DOCK8: variants seen among roughly 807,000 people sequenced by gnomAD.
DOCK8 encodes dedicator of cytokinesis 8, also known as dedicator of cytokinesis protein 8.
In DOCK8, 141 loss-of-function variants were observed where a neutral mutation model predicts 245.6. The ratio of observed to expected loss-of-function variants is 0.57; its 90% CI spans 0.50 to 0.66. The LOEUF (loss-of-function observed/expected upper bound fraction) is 0.66. Among genes scored for constraint, DOCK8 ranks in the 30% least tolerant of loss-of-function variants. The pLI, the probability that DOCK8 is intolerant of heterozygous loss-of-function variation, is 0.00. For synonymous variants in DOCK8, 1,168 were observed against 970.2 expected, an observed-to-expected ratio of 1.20 and a Z score of -3.79; for missense variants, 2,965 against 2,603.4, an observed-to-expected ratio of 1.14 and a Z score of -3.02.
At chr9:414,638 A>T in intron 28 of DOCK8, 144 bp from the exon 29 acceptor site, 1 of 925,882 alleles carries the variant, frequency 1.1e-6, no homozygotes, top group East Asian at 2.4e-5. Context: ...CTGTTTCTGG[A>T]TTCTATGTAG....
chr9:306,468 C>T (rs574328675), intron 5 of DOCK8, among the ~76,000 whole-genome samples: 116 of 152,222 alleles, frequency 7.6e-4, no homozygotes, highest in Middle Eastern at 3.4e-3. Context: ...ATAGAAGCCA[C>T]GGTAGGTATT....
Position 214,923 on chromosome 9 carries a change from GCC to G in DOCK8, c.-50_-49del, listed in dbSNP as rs770246521. The G allele has an allele frequency of 6.2e-7, 1 of 1,604,150 alleles. No individual in the cohort carries two copies. The highest frequency in any genetic ancestry group is 8.5e-7 in the Non-Finnish European group (1 of 1,177,092). On this transcript the variant is annotated 5_prime_UTR_variant, in exon 1 of 48. It removes the in-frame stop codon of an upstream open reading frame in the 5' UTR. Transcript: ENST00000432829. Reference sequence around the variant, plus strand: ...CCGCGGCTACTCTGCGGCGCGCCAGGCCCCCGCTTTCCGCACCCCGCGACCCT... The same window carrying G: ...CCGCGGCTACTCTGCGGCGCGCCAGGCCCGCTTTCCGCACCCCGCGACCCT...
chr9:449,714 A>G (rs2131865723), intron 44 of DOCK8, 70 bp from the exon 45 acceptor site: 1 of 1,608,438 alleles, frequency 6.2e-7, no homozygotes, highest in Non-Finnish European at 8.5e-7. Flanking sequence ...CCTCTCTGTC[A>G]TAGCTCCAGG....
chr9:391,821 C>CT lies in DOCK8; in HGVS notation c.2970+1278dup, dbSNP rs373810616. On this transcript the variant is annotated intron_variant, in intron 24 of 47. Coordinates refer to ENST00000432829, the MANE Select transcript of DOCK8 (RefSeq NM_203447.4). ...CTTTCCCCTGTCCCATTAAGTGAATCTTTTTTTTTTTTTTTTTTTTTTTAA... is the reference window on the plus strand; with the variant it reads ...CTTTCCCCTGTCCCATTAAGTGAATCTTTTTTTTTTTTTTTTTTTTTTTTAA... Among the ~76,000 whole-genome samples, 483 of 116,232 alleles carry CT rather than the reference C, an allele frequency of 4.2e-3. 2 individuals carry two copies. Among genetic ancestry groups the CT allele is most frequent in the East Asian group, 0.02 (76 of 3,774 alleles). 76.3% of individuals were successfully genotyped at this position (116,232 alleles called of 152,430 possible).
rs75989600 is a variant in DOCK8, at chr9:452,205, C to G, written c.6068+88C>G. On this transcript the variant is annotated intron_variant, in intron 46 of 47. Coordinates refer to ENST00000432829, the MANE Select transcript of DOCK8 (RefSeq NM_203447.4). ...CAGCAGCTTCAGCATCACCTGAGAA[C>G]TTGCTAGAAAGACAAAGTCTCAGGC... 98 of 850,508 alleles carry G rather than the reference C, an allele frequency of 1.2e-4. No individual in the cohort carries two copies. The African/African-American group carries it at 1.5e-3, about 13-fold the overall frequency. 52.7% of individuals were successfully genotyped at this position (850,508 alleles called of 1,614,324 possible).
intron 1 of DOCK8, among the ~76,000 whole-genome samples, chr9:226,199 C>T (rs2479321): frequency 0.46 from 69,844 of 151,958 alleles, 16,331 homozygotes; most frequent in African/African-American, 0.54. Flanking sequence ...ATATCTTAAA[C>T]GGCGGCAGGC....
At chr9:436,848 A>G (rs1005011163) in intron 39 of DOCK8, among the ~76,000 whole-genome samples, 1 of 152,182 alleles carries the variant, frequency 6.6e-6, no homozygotes, top group South Asian at 2.1e-4. Flanking sequence ...AATTATTCCA[A>G]TCTTTGTTCA....
intron 1 of DOCK8, among the ~76,000 whole-genome samples, chr9:233,310 C>T (rs911500581): frequency 1.8e-4 from 28 of 152,232 alleles, no homozygotes; most frequent in African/African-American, 4.3e-4. Flanking sequence ...GAGTGCTTTA[C>T]TGCCAACTAT....
chr9:276,800 C>G (rs1333364693), intron 2 of DOCK8, among the ~76,000 whole-genome samples: 1 of 152,078 alleles, frequency 6.6e-6, no homozygotes, highest in African/African-American at 2.4e-5. Context: ...ATACTATTGT[C>G]TTTTCATTTA....
At chr9:277,654 A>T (rs1044314610) in intron 2 of DOCK8, among the ~76,000 whole-genome samples, 5 of 152,112 alleles carry the variant, frequency 3.3e-5, no homozygotes, top group Admixed American at 2.0e-4. Flanking sequence ...ACCTTAAGCT[A>T]CATATTTTAT....
At chr9:220,553 A>C (rs1391525272) in intron 1 of DOCK8, among the ~76,000 whole-genome samples, 5 of 152,148 alleles carry the variant, frequency 3.3e-5, no homozygotes, top group African/African-American at 1.2e-4. Context: ...GTGAGAAGGT[A>C]GGGATGTTAC....
chr9:433,817 TAACTCTTCACCTGGGACTACA>T (rs754164039), intron 37 of DOCK8, 37 bp from the exon 38 acceptor site: 134 of 1,410,554 alleles, frequency 9.5e-5, no homozygotes, highest in Non-Finnish European at 1.3e-4. Context: ...AATGTAATCC[TAACTCTTCACCTGGGACTACA>T]AAGCTAAGAT....
At chr9:443,845 A>G (rs2057166912) in intron 43 of DOCK8, among the ~76,000 whole-genome samples, 1 of 152,172 alleles carries the variant, frequency 6.6e-6, no homozygotes, top group South Asian at 2.1e-4. Context: ...AAACTGAGAC[A>G]TGGAAGAGTC....
At chr9:435,016 A>C in intron 39 of DOCK8, 41 bp downstream of exon 39, 2 of 1,605,600 alleles carry the variant, frequency 1.2e-6, no homozygotes, top group Non-Finnish European at 1.7e-6. Flanking sequence ...AGTGGTTCTC[A>C]ACTGGGGCGA....
Position 420,515 on chromosome 9 carries a change from C to G in DOCK8, c.3955C>G (p.Leu1319Val). The G allele has an allele frequency of 6.2e-7, 1 of 1,614,154 alleles. No individual in the cohort carries two copies. The change falls in exon 31 of 48, where the codon CTG (leucine) becomes GTG (valine). Residue 1319 changes from leucine to valine, a missense_variant. This residue lies in a region of DOCK8 where 2,825 missense variants were observed against 2,453.5 expected (regional missense o/e 1.15). Transcript: ENST00000432829. The stretch of plus-strand genomic sequence containing the variant: ...CCTCATTAGGAAGTGGATTGCTGAC[C>G]TGCCATCAACGCAGCTCAACAGGAT... ...QSLIRKWIAD[L>V]PSTQLNRILD...
chr9:272,702 AAC>A (rs1464988348), intron 2 of DOCK8, among the ~76,000 whole-genome samples: 2 of 152,174 alleles, frequency 1.3e-5, no homozygotes, highest in Non-Finnish European at 2.9e-5. Context: ...TCATTTTTAA[AAC>A]ACATTTCCTC....
intron 2 of DOCK8, among the ~76,000 whole-genome samples, chr9:274,701 T>A (rs1401813951): frequency 6.6e-6 from 1 of 152,136 alleles, no homozygotes; most frequent in Admixed American, 6.5e-5. Flanking sequence ...TAATGGAACA[T>A]GTCGGTAAGA....
intron 5 of DOCK8, among the ~76,000 whole-genome samples, chr9:305,204 T>C (rs1160750364): frequency 6.6e-6 from 1 of 152,228 alleles, no homozygotes; most frequent in Admixed American, 6.5e-5. Flanking sequence ...TTAATATCCA[T>C]AAAGAATTAG....
intron 27 of DOCK8, 41 bp from the exon 28 acceptor site, chr9:406,889 A>C (rs775017206): frequency 4.3e-6 from 7 of 1,613,788 alleles, no homozygotes; most frequent in South Asian, 1.1e-5. Flanking sequence ...TTTTCATTCC[A>C]GTTCTTGTGG....
Sources: allele counts gnomAD v4.1 joint callset (sites outside exome capture counted in the v4.1 genomes callset), GRCh38; gene constraint gnomAD v4.1.1; regional missense constraint gnomAD v4.1.1; transcripts MANE v1.5; gene names NCBI Gene and HGNC (gene_info 2026-07-23, HGNC 2026-07-21).